ODAD2: variants seen among roughly 807,000 people sequenced by gnomAD.
ODAD2 encodes the protein outer dynein arm-docking complex subunit 2.
Under a neutral mutation model 106.8 loss-of-function variants are expected in ODAD2, and 89 were observed. The observed-to-expected ratio is 0.83, with a 90% CI of 0.70 to 0.99. The LOEUF (loss-of-function observed/expected upper bound fraction) is 0.99. Ranked by LOEUF, ODAD2 falls within the 50% of genes least tolerant of loss-of-function variation. ODAD2 has a pLI of 0.00. For synonymous variants in ODAD2, 404 were observed against 436.2 expected, an observed-to-expected ratio of 0.93 and a Z score of 0.92; for missense variants, 1,168 against 1,238.5, an observed-to-expected ratio of 0.94 and a Z score of 0.85.
chr10:27,995,296 G>C (rs749946940), intron 1 of ODAD2, 116 bp from the exon 2 acceptor site: 31 of 1,171,012 alleles, frequency 2.6e-5, no homozygotes, highest in Non-Finnish European at 3.4e-5. Flanking sequence ...TATTAATCTT[G>C]GAAGATTCTT....
intron 13 of ODAD2, among the ~76,000 whole-genome samples, chr10:27,940,242 T>C (rs1010454703): frequency 8.1e-5 from 10 of 123,236 alleles, no homozygotes; most frequent in African/African-American, 1.3e-4. Context: ...ATGTGTGATA[T>C]ATATATAAAT....
chr10:27,847,947 C>T (rs11006741), intron 19 of ODAD2, among the ~76,000 whole-genome samples: 90,476 of 152,006 alleles, frequency 0.6, 27,273 homozygotes, highest in Middle Eastern at 0.7. Context: ...GAAGAACATC[C>T]CATGCTCTTG....
Position 27,983,722 on chromosome 10 carries a change from C to A in ODAD2, c.819+121G>T, listed in dbSNP as rs1849700184. On this transcript the variant is annotated intron_variant, in intron 6 of 19. Coordinates refer to ENST00000305242, the MANE Select transcript of ODAD2 (RefSeq NM_018076.5). ...CCCAGCAAGCATATATCAAAGGAAT[C>A]TGCTTCTATCCCACAGAATGGTAAT... 3 of 964,754 alleles carry A rather than the reference C, an allele frequency of 3.1e-6. No homozygotes were observed. The East Asian group carries it at 8.1e-5, about 26-fold the overall frequency. 59.8% of individuals were successfully genotyped at this position (964,754 alleles called of 1,614,324 possible).
chr10:27,854,936 C>T (rs1170816517), intron 19 of ODAD2, among the ~76,000 whole-genome samples: 1 of 151,980 alleles, frequency 6.6e-6, no homozygotes, highest in African/African-American at 2.4e-5. Context: ...ACTGTAGGAA[C>T]CCATTTTTCT....
chr10:27,887,772 A>G (rs1376953003), intron 17 of ODAD2, among the ~76,000 whole-genome samples: 1 of 152,032 alleles, frequency 6.6e-6, no homozygotes, highest in Non-Finnish European at 1.5e-5. Flanking sequence ...AAAACAACAC[A>G]TAAAATCAAT....
intron 16 of ODAD2, among the ~76,000 whole-genome samples, chr10:27,929,795 T>C (rs1845489624): frequency 6.6e-6 from 1 of 152,276 alleles, no homozygotes; most frequent in African/African-American, 2.4e-5. Context: ...CAGCCAATGG[T>C]TTGCTTCTTT....
At position 27,879,624 on chromosome 10, in the gene ODAD2, A is replaced by C. The variant is rs1368775243; in HGVS notation, c.2611-17002T>G. 2.0e-5 allele frequency among the ~76,000 whole-genome samples: 3 copies of C among 152,064 alleles called. No individual in the cohort carries two copies. In the East Asian group the frequency reaches 5.8e-4, roughly 29 times the overall value. ...ATAATTACAAGAAAAAAATCTAACT[A>C]TATGATGTATTATACTCCAAAAACA... On this transcript the variant is annotated intron_variant, in intron 17 of 19. Transcript: ENST00000305242.
At position 27,924,022 on chromosome 10, in the gene ODAD2, G is replaced by GAAAGA. The variant is rs879886979; in HGVS notation, c.2495+10987_2495+10988insTCTTT. ...AGAAAGAAAGAAAGAAAGAAAGAAA[G>GAAAGA]AAGGAAAGAGAAAGAAAGAAGGAAA... is the stretch of plus-strand genomic sequence containing the variant. On this transcript the variant is annotated intron_variant, in intron 16 of 19. Transcript: ENST00000305242. Among the ~76,000 whole-genome samples, 10 of 132,862 alleles carry GAAAGA rather than the reference G, an allele frequency of 7.5e-5. 1 individual carries two copies. Among genetic ancestry groups the GAAAGA allele is most frequent in the East Asian group, 2.3e-4 (1 of 4,284 alleles). 87.2% of individuals were successfully genotyped at this position (132,862 alleles called of 152,430 possible).
At chr10:27,882,225 G>GAAAGAAATAAAT (rs1554799102) in intron 17 of ODAD2, among the ~76,000 whole-genome samples, 70 of 150,840 alleles carry the variant, frequency 4.6e-4, no homozygotes, top group Middle Eastern at 3.4e-3. Flanking sequence ...AAGAAAGAAA[G>GAAAGAAATAAAT]AAAGAAAGAA....
chr10:27,860,969 G>T, intron 18 of ODAD2, 123 bp from the exon 19 acceptor site: 1 of 770,302 alleles, frequency 1.3e-6, no homozygotes, highest in Non-Finnish European at 2.1e-6. Context: ...GGGCTAGCTG[G>T]CTGACTACCT....
intron 7 of ODAD2, among the ~76,000 whole-genome samples, chr10:27,980,685 A>T (rs1231166462): frequency 6.6e-6 from 1 of 152,188 alleles, no homozygotes; most frequent in East Asian, 1.9e-4. Context: ...AGAAGCATTA[A>T]CAAGGATGTG....
At chr10:27,969,934 C>T (rs1455879902) in intron 8 of ODAD2, among the ~76,000 whole-genome samples, 2 of 151,876 alleles carry the variant, frequency 1.3e-5, no homozygotes, top group African/African-American at 2.4e-5. Context: ...GGCAAAACGC[C>T]ATCTCTACTA....
intron 19 of ODAD2, among the ~76,000 whole-genome samples, chr10:27,854,991 A>AC (rs1212666380): frequency 6.6e-6 from 1 of 152,168 alleles, no homozygotes; most frequent in Admixed American, 6.5e-5. Flanking sequence ...CAGAAAGCAG[A>AC]CCAGTGATTG....
In ODAD2 at chr10:27,975,170, C is replaced by T. The variant is rs142142849; in HGVS notation, c.937-3857G>A. 1.7e-3 allele frequency among the ~76,000 whole-genome samples: 266 copies of T among 152,212 alleles called. 9 individuals are homozygous for T. The East Asian group carries it at 0.047, about 27-fold the overall frequency. On this transcript the variant is annotated intron_variant, in intron 7 of 19. Transcript: ENST00000305242. ...GGCTGAGGATCCCTTGTTTTATATG[C>T]TCCAAGTAAAACATTATTCACAACT...
intron 9 of ODAD2, among the ~76,000 whole-genome samples, chr10:27,963,399 C>T (rs1848275798): frequency 6.6e-6 from 1 of 152,026 alleles, no homozygotes; most frequent in South Asian, 2.1e-4. Flanking sequence ...AAGGAAATGT[C>T]AGAGAAATTA....
chr10:27,877,644 T>C (rs1841434136), intron 17 of ODAD2, among the ~76,000 whole-genome samples: 1 of 152,242 alleles, frequency 6.6e-6, no homozygotes, highest in South Asian at 2.1e-4. Context: ...CTGCCAAAAC[T>C]GTCTTTCACC....
intron 19 of ODAD2, among the ~76,000 whole-genome samples, chr10:27,846,831 G>T (rs1838802674): frequency 1.3e-5 from 2 of 151,392 alleles, no homozygotes; most frequent in South Asian, 4.2e-4. Flanking sequence ...TAGAAGAAAT[G>T]GATAAATTCC....
chr10:27,900,089 C>T (rs1037621395), intron 17 of ODAD2, among the ~76,000 whole-genome samples: 7 of 152,094 alleles, frequency 4.6e-5, no homozygotes, highest in African/African-American at 1.4e-4. Flanking sequence ...TGGCAGGTGC[C>T]CCTCTAGGAC....
rs4405206 is a variant in ODAD2 at position 27,971,222 on chromosome 10, A to G, written c.1028T>C (p.Ile343Thr). 110,857 of 1,613,718 alleles carry G rather than the reference A, an allele frequency of 0.069. 5,051 individuals are homozygous for G. The highest frequency in any genetic ancestry group is 0.25 in the East Asian group (11,363 of 44,850). Residue 343 changes from isoleucine to threonine, a missense_variant, in exon 8 of 20, where the codon ATT becomes ACT. Ile to Thr is a moderately conservative substitution (Grantham distance 89). This residue lies in a region of ODAD2 where 430 missense variants were observed against 452.2 expected (regional missense o/e 0.95). Coordinates refer to ENST00000305242, the MANE Select transcript of ODAD2 (RefSeq NM_018076.5). ...KEEAAALRKDISGSDKRSLEK... is the reference protein window; with the variant it reads ...KEEAAALRKDTSGSDKRSLEK... The stretch of plus-strand genomic sequence containing the variant: ...CAGTGACCTTTTGTCTGAACCAGAA[A>G]TGTCTTTGCGGAGGGCAGCTGCTTC...
Sources: gnomAD v4.1 joint callset for allele counts (sites outside exome capture counted in the v4.1 genomes callset) on GRCh38, gnomAD v4.1.1 for gene constraint, gnomAD v4.1.1 regional missense constraint, MANE v1.5 for transcripts, NCBI Gene and HGNC (gene_info 2026-07-23, HGNC 2026-07-21) for gene names.